Variants in PLCH1 observed in about 807,000 individuals in gnomAD.
PLCH1 encodes phospholipase C eta 1.
Under a neutral mutation model 126.7 loss-of-function variants are expected in PLCH1, and 60 were observed. The observed-to-expected ratio is 0.47, with a 90% CI of 0.38 to 0.59. PLCH1 has a LOEUF of 0.59. PLCH1 is among the 20% of genes least tolerant of loss of function. PLCH1 has a pLI of 0.00. For missense variants in PLCH1, 1,723 were observed against 2,040.0 expected, an observed-to-expected ratio of 0.84 and a Z score of 2.99; for synonymous variants, 719 against 734.9, an observed-to-expected ratio of 0.98 and a Z score of 0.35.
intron 1 of PLCH1, among the ~76,000 whole-genome samples, chr3:155,726,613 C>G (rs1269444416): frequency 1.3e-5 from 2 of 151,964 alleles, no homozygotes; most frequent in African/African-American, 4.8e-5. Context: ...AAATTCTCAG[C>G]CATTATCTCT....
intron 2 of PLCH1, among the ~76,000 whole-genome samples, chr3:155,624,170 T>G (rs1018478193): frequency 6.6e-6 from 1 of 152,210 alleles, no homozygotes; most frequent in Non-Finnish European, 1.5e-5. Context: ...TCTCAACAGA[T>G]GCAGAAAAGG....
At chr3:155,642,299 C>A (rs1408050631) in intron 2 of PLCH1, among the ~76,000 whole-genome samples, 3 of 152,016 alleles carry the variant, frequency 2.0e-5, no homozygotes, top group African/African-American at 7.2e-5. Context: ...AAAATCACTG[C>A]ATTCTTTAGT....
chr3:155,469,769 C>T (rs1713102151), intron 21 of PLCH1, among the ~76,000 whole-genome samples: 3 of 151,940 alleles, frequency 2.0e-5, no homozygotes, highest in Admixed American at 2.0e-4. Flanking sequence ...TCCCTGACCC[C>T]TGACCCCTGA....
Position 155,481,787 on chromosome 3 carries a change from G to T in PLCH1, c.4239C>A (p.Phe1413Leu). 6.2e-7 allele frequency: 1 copy of T among 1,613,978 alleles called. No individual in the cohort carries two copies. Among genetic ancestry groups the T allele is most frequent in the Non-Finnish European group, 8.5e-7 (1 of 1,179,860 alleles). The stretch of plus-strand genomic sequence containing the variant: ...GAGTTTTGACATCTTGAATATTGTT[G>T]AATATTTCAGGGACAGAAGGGCGGA... ...ETLRPSVPEI[F>L]NNIQDVKTQS... is the part of the protein sequence containing the mutation. Residue 1413 changes from phenylalanine to leucine, a missense_variant, in exon 23 of 23, where the codon TTC becomes TTA. Around this residue, in one of 2 missense-constraint regions of PLCH1, gnomAD observed 947 missense variants for 977.1 expected, o/e 0.97. Coordinates refer to ENST00000460012, the MANE Select transcript of PLCH1 (RefSeq NM_014996.4). This position sits in a 1 kb window ranked among gnomAD's most constrained non-coding sequence, Gnocchi z 4.2.
intron 4 of PLCH1, among the ~76,000 whole-genome samples, chr3:155,593,654 C>G (rs935588465): frequency 6.6e-5 from 10 of 152,154 alleles, no homozygotes; most frequent in African/African-American, 2.4e-4. Flanking sequence ...CTTTCCCTCT[C>G]TTAGGAAACT....
At chr3:155,542,388 C>G (rs1475753611) in intron 10 of PLCH1, among the ~76,000 whole-genome samples, 1 of 146,228 alleles carries the variant, frequency 6.8e-6, no homozygotes, top group African/African-American at 2.8e-5. Flanking sequence ...CCTGGAAGCT[C>G]GAACTGGGTG....
chr3:155,504,684 T>A lies in PLCH1; in HGVS notation c.1633-58A>T, dbSNP rs1011382247. ...TCTTCTTTGCTTTTGTCTTTTTCCT[T>A]AGTTCTGGTGGAATAGCAAGGGGGC... On this transcript the variant is annotated intron_variant, in intron 12 of 22. Coordinates refer to ENST00000460012, the MANE Select transcript of PLCH1 (RefSeq NM_014996.4). 2.4e-6 allele frequency: 3 copies of A among 1,241,568 alleles called. No individual in the cohort carries two copies. The African/African-American group carries it at 4.4e-5, about 18-fold the overall frequency. 76.9% of individuals were successfully genotyped at this position (1,241,568 alleles called of 1,614,324 possible).
intron 10 of PLCH1, among the ~76,000 whole-genome samples, chr3:155,532,185 G>A (rs531186324): frequency 3.9e-5 from 6 of 152,138 alleles, no homozygotes; most frequent in African/African-American, 1.4e-4. Context: ...CAGGAGGCAG[G>A]ACTAACTTGC....
intron 21 of PLCH1, among the ~76,000 whole-genome samples, chr3:155,453,179 GT>G (rs1482979771): frequency 1.3e-5 from 2 of 152,164 alleles, no homozygotes; most frequent in African/African-American, 2.4e-5. Flanking sequence ...CTCTTCAGAA[GT>G]GTCAAGACCA....
At chr3:155,670,635 C>A (rs530808642) in intron 2 of PLCH1, among the ~76,000 whole-genome samples, 1 of 151,952 alleles carries the variant, frequency 6.6e-6, no homozygotes, top group Non-Finnish European at 1.5e-5. Flanking sequence ...TGATCTGAAC[C>A]AATTTCTCAA....
intron 22 of PLCH1, chr3:155,483,255 C>T: frequency 1.0e-6 from 1 of 961,604 alleles, no homozygotes; most frequent in Non-Finnish European, 1.6e-6. Context: ...TTCACTGGAG[C>T]TTCCCTTTGA....
intron 13 of PLCH1, among the ~76,000 whole-genome samples, chr3:155,504,244 T>C (rs1331872583): frequency 1.3e-5 from 2 of 152,196 alleles, no homozygotes; most frequent in Non-Finnish European, 2.9e-5. Context: ...ATAATACACA[T>C]ACCAGTTTTA....
intron 2 of PLCH1, among the ~76,000 whole-genome samples, chr3:155,634,498 A>C (rs1269244544): frequency 1.3e-5 from 2 of 152,162 alleles, no homozygotes; most frequent in African/African-American, 2.4e-5. Context: ...TGACCAACAG[A>C]GGGCAATGGA....
intron 4 of PLCH1, among the ~76,000 whole-genome samples, chr3:155,591,891 A>G (rs1479223045): frequency 6.6e-6 from 1 of 152,068 alleles, no homozygotes; most frequent in African/African-American, 2.4e-5. Flanking sequence ...TTGTTTGTAA[A>G]GATGGGGTCT....
At chr3:155,585,545 A>C (rs143873793) in intron 5 of PLCH1, among the ~76,000 whole-genome samples, 1 of 152,278 alleles carries the variant, frequency 6.6e-6, no homozygotes, top group East Asian at 1.9e-4. Flanking sequence ...TTTCTCAATG[A>C]CTCATCAACA....
intron 1 of PLCH1, among the ~76,000 whole-genome samples, chr3:155,712,353 A>G (rs1288053981): frequency 6.6e-6 from 1 of 152,238 alleles, no homozygotes; most frequent in African/African-American, 2.4e-5. Context: ...CTGAAGGTGT[A>G]TTTAAGCAAA....
intron 2 of PLCH1, among the ~76,000 whole-genome samples, chr3:155,627,487 A>T (rs2108797880): frequency 6.8e-6 from 1 of 147,772 alleles, no homozygotes; most frequent in East Asian, 2.1e-4. Context: ...AAAAAAAATT[A>T]GCCCGGCGTG....
chr3:155,522,638 G>A (rs1306256539), intron 11 of PLCH1, among the ~76,000 whole-genome samples: 1 of 151,304 alleles, frequency 6.6e-6, no homozygotes, highest in Non-Finnish European at 1.5e-5. Context: ...AGAGTGGACT[G>A]TTGTTAACAA....
At chr3:155,522,966 G>T (rs1224600459) in intron 11 of PLCH1, among the ~76,000 whole-genome samples, 3 of 149,776 alleles carry the variant, frequency 2.0e-5, no homozygotes, top group Non-Finnish European at 3.0e-5. Context: ...TTTTTTGCGG[G>T]GGGGGTGGGG....
Sources: gnomAD v4.1 joint callset for allele counts (sites outside exome capture counted in the v4.1 genomes callset) on GRCh38, gnomAD v4.1.1 for gene constraint, gnomAD v4.1.1 regional missense constraint, Gnocchi (gnomAD v3.1) non-coding constraint, MANE v1.5 for transcripts, NCBI Gene and HGNC (gene_info 2026-07-23, HGNC 2026-07-21) for gene names.